Variants in ELMO1 observed in about 807,000 individuals in gnomAD.
ELMO1 encodes the protein engulfment and cell motility protein 1.
In ELMO1, 26 loss-of-function variants were observed where a neutral mutation model predicts 98.9. That is an observed-to-expected ratio of 0.26 (90% CI 0.19 to 0.36). ELMO1 has a LOEUF of 0.36. Ranked by LOEUF, ELMO1 falls within the 10% of genes least tolerant of loss-of-function variation. The pLI, the probability that ELMO1 is intolerant of heterozygous loss-of-function variation, is 1.00. For missense variants in ELMO1, 627 were observed against 935.2 expected (o/e 0.67, Z 4.30); for synonymous variants, 346 against 346.0 (o/e 1.00, Z 0.00).
chr7:37,224,808 G>A (rs1563087705), intron 9 of ELMO1, 71 bp downstream of exon 9: 33 of 1,565,742 alleles, frequency 2.1e-5, no homozygotes, highest in Admixed American at 3.6e-5. Flanking sequence ...AACATAAAAC[G>A]TTTCCCAGTG....
chr7:37,133,329 C>T (rs1409841370), intron 13 of ELMO1, 95 bp from the exon 14 acceptor site: 1 of 875,448 alleles, frequency 1.1e-6, no homozygotes, highest in Non-Finnish European at 1.8e-6. Context: ...TGAAGTGCTA[C>T]AAGGTAAGGT....
intron 2 of ELMO1, among the ~76,000 whole-genome samples, chr7:37,321,726 A>AAAAAAAAAAC (rs1264290998): frequency 1.3e-5 from 2 of 150,032 alleles, no homozygotes; most frequent in African/African-American, 4.9e-5. Flanking sequence ...CAAAAAAAAA[A>AAAAAAAAAAC]AAAAAAAAAA....
At chr7:37,188,118 C>T (rs1791328499) in intron 13 of ELMO1, among the ~76,000 whole-genome samples, 1 of 152,080 alleles carries the variant, frequency 6.6e-6, no homozygotes, top group African/African-American at 2.4e-5. Context: ...ACAAACTTCA[C>T]ACACTACATC....
At chr7:37,049,148 A>G (rs1049528238) in intron 15 of ELMO1, among the ~76,000 whole-genome samples, 2 of 152,124 alleles carry the variant, frequency 1.3e-5, no homozygotes, top group African/African-American at 4.8e-5. Flanking sequence ...TTGTCTTGTT[A>G]AGGGATAAAC....
chr7:37,389,430 T>C (rs1802965876), intron 1 of ELMO1, among the ~76,000 whole-genome samples: 1 of 152,226 alleles, frequency 6.6e-6, no homozygotes, highest in Non-Finnish European at 1.5e-5. Flanking sequence ...AAAAGTCTAT[T>C]TTAAAAAGTT....
In ELMO1 at chr7:37,322,665, C is replaced by T. The variant is rs373494147; in HGVS notation, c.79-6705G>A. Among the ~76,000 whole-genome samples, 11 of 151,158 alleles carry T rather than the reference C, an allele frequency of 7.3e-5. No homozygotes were observed. The South Asian group carries it at 1.9e-3, about 26-fold the overall frequency. ...CAAAAATACAAAAATTAGCCAGGCA[C>T]GGTGGCGTGTGCCTATAGTAACAGC... On this transcript the variant is annotated intron_variant, in intron 2 of 21. Transcript: ENST00000310758.
chr7:37,146,894 G>A (rs578111958), intron 13 of ELMO1, among the ~76,000 whole-genome samples: 5 of 152,112 alleles, frequency 3.3e-5, no homozygotes, highest in Non-Finnish European at 7.3e-5. Flanking sequence ...AACAAAACAA[G>A]TGACGAGGTA....
chr7:37,175,590 AATCC>A (rs1790455274), intron 13 of ELMO1, among the ~76,000 whole-genome samples: 1 of 152,208 alleles, frequency 6.6e-6, no homozygotes, highest in Non-Finnish European at 1.5e-5. Flanking sequence ...TCATGCCTGT[AATCC>A]TAGCACTTTG....
At chr7:37,122,052 A>G (rs1033128913) in intron 14 of ELMO1, among the ~76,000 whole-genome samples, 6 of 152,124 alleles carry the variant, frequency 3.9e-5, no homozygotes, top group East Asian at 1.9e-4. Flanking sequence ...ATAAGTGAAG[A>G]AGAAATAAAA....
At chr7:37,273,357 G>A (rs1584902890) in intron 4 of ELMO1, among the ~76,000 whole-genome samples, 1 of 152,104 alleles carries the variant, frequency 6.6e-6, no homozygotes, top group Admixed American at 6.5e-5. Context: ...GAGTTCTCAC[G>A]AGATCTGATG....
At chr7:37,120,774 G>T (rs1426699437) in intron 14 of ELMO1, among the ~76,000 whole-genome samples, 1 of 152,186 alleles carries the variant, frequency 6.6e-6, no homozygotes, top group Non-Finnish European at 1.5e-5. Flanking sequence ...TTAGAAGAGA[G>T]TAGTGGTTCT....
chr7:36,964,763 A>C lies in ELMO1; in HGVS notation c.1437+48536T>G, dbSNP rs188880036. 4.3e-3 allele frequency among the ~76,000 whole-genome samples: 649 copies of C among 152,314 alleles called. 11 individuals carry two copies. Among genetic ancestry groups the C allele is most frequent in the African/African-American group, 0.015 (619 of 41,558 alleles). ...TCTAGAGCTTTTATGAACCAAATGA[A>C]CCTGCGCATACACAACGCATACGTG... On this transcript the variant is annotated intron_variant, in intron 16 of 21. Transcript: ENST00000310758.
At chr7:37,292,608 C>A (rs1245772907) in intron 4 of ELMO1, among the ~76,000 whole-genome samples, 2 of 103,544 alleles carry the variant, frequency 1.9e-5, no homozygotes, top group Non-Finnish European at 4.5e-5. Flanking sequence ...CTGCCCCGTC[C>A]GGGATGTGAG....
intron 14 of ELMO1, among the ~76,000 whole-genome samples, chr7:37,122,183 T>C (rs529315491): frequency 2.0e-5 from 3 of 152,284 alleles, no homozygotes; most frequent in South Asian, 4.1e-4. Flanking sequence ...TGCAAAATCA[T>C]GCCAAATTGT....
chr7:37,433,293 C>T (rs1344775754), intron 1 of ELMO1, among the ~76,000 whole-genome samples: 1 of 152,222 alleles, frequency 6.6e-6, no homozygotes, highest in African/African-American at 2.4e-5. Flanking sequence ...TGGGCTCAGC[C>T]TGGGAACACC....
chr7:37,152,238 C>A (rs1554426411), intron 13 of ELMO1, among the ~76,000 whole-genome samples: 1 of 152,166 alleles, frequency 6.6e-6, no homozygotes, highest in Non-Finnish European at 1.5e-5. Context: ...TGCCTGAAAT[C>A]TGGATGATAG....
rs576523314 is a variant in ELMO1 at position 37,096,878 on chromosome 7, T to C, written c.1192-151A>G. On this transcript the variant is annotated intron_variant, in intron 14 of 21. Transcript: ENST00000310758. ...CCAGGACAAAATAGTACTCCAAGTATACAGGACCGAAAAGTCTCATTTATC... is the reference window on the plus strand; with the variant it reads ...CCAGGACAAAATAGTACTCCAAGTACACAGGACCGAAAAGTCTCATTTATC... The C allele has an allele frequency of 6.7e-5, 48 of 719,582 alleles. No individual in the cohort carries two copies. In the East Asian group the frequency reaches 1.1e-3, roughly 17 times the overall value. The allele number at this position is 719,582 out of a possible 1,614,324, so 44.6% of individuals were successfully genotyped here.
At chr7:37,086,028 G>A (rs1783748519) in intron 15 of ELMO1, among the ~76,000 whole-genome samples, 1 of 152,162 alleles carries the variant, frequency 6.6e-6, no homozygotes, top group Non-Finnish European at 1.5e-5. Flanking sequence ...ACCTGCTTTG[G>A]GAAGAATTAG....
intron 11 of ELMO1, among the ~76,000 whole-genome samples, chr7:37,215,346 A>AG (rs1245520386): frequency 2.0e-5 from 3 of 152,094 alleles, no homozygotes; most frequent in Non-Finnish European, 4.4e-5. Flanking sequence ...TGGGAGAGGG[A>AG]GGGGGGATAG....
Sources: allele counts gnomAD v4.1 joint callset (sites outside exome capture counted in the v4.1 genomes callset), GRCh38; gene constraint gnomAD v4.1.1; transcripts MANE v1.5; gene names NCBI Gene and HGNC (gene_info 2026-07-23, HGNC 2026-07-21).